The following SOX6 variants were observed in gnomAD, a reference collection of about 807,000 sequenced individuals.
SOX6 encodes SRY-box transcription factor 6.
SOX6 carries 11 observed loss-of-function variants against 97.8 expected under a neutral mutation model. That is an observed-to-expected ratio of 0.11 (90% confidence interval 0.07 to 0.19). SOX6 has a LOEUF of 0.19. Among genes scored for constraint, SOX6 ranks in the 10% least tolerant of loss-of-function variants. The probability of loss-of-function intolerance (pLI) is 1.00; values close to 1 mark genes in which losing one functional copy is unlikely to be tolerated. For missense variants in SOX6, 810 were observed against 1,039.5 expected (o/e 0.78, Z 3.04); for synonymous variants, 360 against 371.4 (o/e 0.97, Z 0.35).
At chr11:16,472,884 G>A (rs1250999443) in intron 1 of SOX6, among the ~76,000 whole-genome samples, 1 of 151,802 alleles carries the variant, frequency 6.6e-6, no homozygotes, top group Non-Finnish European at 1.5e-5. Flanking sequence ...AAAGTTTCCT[G>A]TGTCTTTGCT....
intron 3 of SOX6, among the ~76,000 whole-genome samples, chr11:16,623,520 A>AC (rs1255304002): frequency 1.3e-5 from 2 of 151,856 alleles, no homozygotes; most frequent in African/African-American, 4.8e-5. Context: ...TTGTCTGTTT[A>AC]CCCCACTGAT....
chr11:16,396,796 A>C (rs533639041), intron 1 of SOX6, among the ~76,000 whole-genome samples: 1 of 151,698 alleles, frequency 6.6e-6, no homozygotes, highest in East Asian at 1.9e-4. Flanking sequence ...CTATAACAGG[A>C]GGAGCAGTCT....
At chr11:16,223,735 T>C (rs1259853534) in intron 4 of SOX6, among the ~76,000 whole-genome samples, 1 of 152,152 alleles carries the variant, frequency 6.6e-6, no homozygotes. Flanking sequence ...ACAGATGTCC[T>C]GCTAGCCACC....
chr11:16,363,529 AG>A (rs2134380542), intron 1 of SOX6, among the ~76,000 whole-genome samples: 1 of 152,312 alleles, frequency 6.6e-6, no homozygotes, highest in Non-Finnish European at 1.5e-5. Context: ...TTAAAGATGT[AG>A]AAACAGATTT....
At chr11:16,075,268 C>G (rs899390654) in intron 9 of SOX6, among the ~76,000 whole-genome samples, 9 of 152,144 alleles carry the variant, frequency 5.9e-5, no homozygotes, top group African/African-American at 2.2e-4. Context: ...CACAGTTCCA[C>G]ATGGCTTGGG....
At chr11:16,030,723 T>C (rs1019638716) in intron 12 of SOX6, among the ~76,000 whole-genome samples, 6 of 152,190 alleles carry the variant, frequency 3.9e-5, no homozygotes, top group African/African-American at 1.2e-4. Flanking sequence ...CAGAGATATT[T>C]GGTACAACCG....
At chr11:16,449,187 T>C (rs2133094002) in intron 1 of SOX6, among the ~76,000 whole-genome samples, 1 of 151,708 alleles carries the variant, frequency 6.6e-6, no homozygotes, top group African/African-American at 2.4e-5. Flanking sequence ...TGAAAATACT[T>C]GGAATATACT....
At chr11:16,116,602 A>G (rs1365316219) in intron 6 of SOX6, among the ~76,000 whole-genome samples, 1 of 152,238 alleles carries the variant, frequency 6.6e-6, no homozygotes, top group African/African-American at 2.4e-5. Context: ...AAATGATAAC[A>G]TCTTGCAAAA....
chr11:16,537,261 G>A (rs192531697), intron 4 of SOX6, among the ~76,000 whole-genome samples: 2 of 152,260 alleles, frequency 1.3e-5, no homozygotes, highest in East Asian at 3.9e-4. Flanking sequence ...GTAACAAACA[G>A]AAAGGAATAG....
chr11:16,650,060 A>C (rs758791642), intron 3 of SOX6, among the ~76,000 whole-genome samples: 11 of 152,144 alleles, frequency 7.2e-5, no homozygotes, highest in Non-Finnish European at 1.5e-4. Context: ...ATAATGATAA[A>C]AAATAGTCCA....
At chr11:16,120,438 A>G (rs1849460433) in intron 6 of SOX6, among the ~76,000 whole-genome samples, 1 of 151,896 alleles carries the variant, frequency 6.6e-6, no homozygotes, top group Admixed American at 6.6e-5. Flanking sequence ...AGGGCCAAGT[A>G]AACTCCTTAA....
intron 11 of SOX6, among the ~76,000 whole-genome samples, chr11:16,046,910 C>T (rs1377337775): frequency 1.3e-5 from 2 of 152,160 alleles, no homozygotes; most frequent in African/African-American, 4.8e-5. Flanking sequence ...GAGAAAACCC[C>T]AGCACTCCAG....
intron 3 of SOX6, among the ~76,000 whole-genome samples, chr11:16,697,798 C>T (rs1431805540): frequency 2.0e-5 from 3 of 152,218 alleles, no homozygotes; most frequent in African/African-American, 7.2e-5. Flanking sequence ...CCATGAACAT[C>T]TCCATCAGAG....
intron 4 of SOX6, among the ~76,000 whole-genome samples, chr11:16,518,072 T>C (rs935393612): frequency 1.3e-5 from 2 of 152,138 alleles, no homozygotes; most frequent in Admixed American, 6.6e-5. Context: ...ATGTCACTAG[T>C]ATGTTCAAAG....
At chr11:16,361,964 T>G (rs987317302) in intron 1 of SOX6, among the ~76,000 whole-genome samples, 1 of 152,242 alleles carries the variant, frequency 6.6e-6, no homozygotes, top group Non-Finnish European at 1.5e-5. Flanking sequence ...GTACATTATT[T>G]CTTTCAATTC....
intron 1 of SOX6, among the ~76,000 whole-genome samples, chr11:16,462,640 T>A (rs1261877694): frequency 1.3e-5 from 2 of 152,076 alleles, no homozygotes; most frequent in East Asian, 3.9e-4. Context: ...ATGAAAAAAA[T>A]TAATCAGCAC....
At chr11:16,127,725 G>C (rs1356921420) in intron 6 of SOX6, among the ~76,000 whole-genome samples, 2 of 152,068 alleles carry the variant, frequency 1.3e-5, no homozygotes, top group Non-Finnish European at 2.9e-5. Flanking sequence ...TTGGAACTCT[G>C]AGTTAGTCTT....
intron 3 of SOX6, among the ~76,000 whole-genome samples, chr11:16,623,267 C>A (rs1848571369): frequency 1.3e-5 from 2 of 152,142 alleles, no homozygotes; most frequent in Admixed American, 6.5e-5. Flanking sequence ...GTGATCCACC[C>A]ACCTCAGCCT....
intron 3 of SOX6, chr11:16,646,206 A>T (rs1449310723): frequency 6.6e-6 from 1 of 152,248 alleles, no homozygotes; most frequent in Non-Finnish European, 1.5e-5. Flanking sequence ...CTCTGCTCAG[A>T]TGTGGCATTG....
Sources: allele counts gnomAD v4.1 joint callset (sites outside exome capture counted in the v4.1 genomes callset), GRCh38; gene constraint gnomAD v4.1.1; transcripts MANE v1.5; gene names NCBI Gene and HGNC (gene_info 2026-07-23, HGNC 2026-07-21).